The following KALRN variants were observed in gnomAD, a reference collection of about 807,000 sequenced individuals.
The protein encoded by KALRN is kalirin RhoGEF kinase, also known as kalirin.
Under a neutral mutation model 353.7 loss-of-function variants are expected in KALRN, and 70 were observed. That is an observed-to-expected ratio of 0.20 (90% CI 0.16 to 0.24). The LOEUF (loss-of-function observed/expected upper bound fraction) is 0.24. Among genes scored for constraint, KALRN ranks in the 10% least tolerant of loss-of-function variants. The probability of loss-of-function intolerance (pLI) is 1.00; values close to 1 mark genes in which losing one functional copy is unlikely to be tolerated. For synonymous variants in KALRN, 1,391 were observed against 1,434.8 expected (o/e 0.97, Z 0.69); for missense variants, 2,791 against 3,756.7 (o/e 0.74, Z 6.72).
At chr3:124,160,569 T>C (rs1031836638) in intron 1 of KALRN, among the ~76,000 whole-genome samples, 4 of 151,756 alleles carry the variant, frequency 2.6e-5, no homozygotes, top group Admixed American at 2.0e-4. Flanking sequence ...TGTAAGAAAA[T>C]GGTCTTTTTT....
chr3:124,634,497 C>T (rs540344069), intron 36 of KALRN, among the ~76,000 whole-genome samples: 1 of 152,262 alleles, frequency 6.6e-6, no homozygotes, highest in South Asian at 2.1e-4. Context: ...TGCAAGATTC[C>T]CCGGCCCGCT....
intron 53 of KALRN, among the ~76,000 whole-genome samples, chr3:124,695,440 G>T (rs763336575): frequency 5.3e-5 from 8 of 152,126 alleles, no homozygotes; most frequent in Non-Finnish European, 1.2e-4. Context: ...CCATAAAGAG[G>T]CCAGGTCATA....
At chr3:124,166,891 C>T (rs1466076842) in intron 1 of KALRN, among the ~76,000 whole-genome samples, 1 of 151,826 alleles carries the variant, frequency 6.6e-6, no homozygotes, top group African/African-American at 2.4e-5. Context: ...AGAAAAAATA[C>T]AAAATTAGCC....
In KALRN at chr3:124,282,171, A is replaced by G. The variant is rs137908166; in HGVS notation, c.969+12916A>G. Among the ~76,000 whole-genome samples, 360 of 152,298 alleles carry G rather than the reference A, an allele frequency of 2.4e-3. 1 individual carries two copies. The highest frequency in any genetic ancestry group is 8.3e-3 in the African/African-American group (347 of 41,562). On this transcript the variant is annotated intron_variant, in intron 5 of 59. Coordinates refer to ENST00000682506, the MANE Select transcript of KALRN (RefSeq NM_001388419.1). ...TGGCTGGATGTCAGGGGGCAAAGGC[A>G]GCACCAAGGCCTTCGTGTTAGGAGG...
chr3:124,350,651 C>A (rs2082741506), intron 10 of KALRN, among the ~76,000 whole-genome samples: 1 of 152,122 alleles, frequency 6.6e-6, no homozygotes. Flanking sequence ...ATGTTGCCAC[C>A]CTTATTGACA....
chr3:124,261,449 G>A (rs1452641034), intron 3 of KALRN, among the ~76,000 whole-genome samples: 5 of 152,122 alleles, frequency 3.3e-5, no homozygotes, highest in East Asian at 3.8e-4. Flanking sequence ...AACACACAAA[G>A]CACCTTGGAA....
At chr3:124,070,677 T>C (rs971985066) in intron 1 of KALRN, among the ~76,000 whole-genome samples, 11 of 152,228 alleles carry the variant, frequency 7.2e-5, no homozygotes, top group Non-Finnish European at 1.6e-4. Flanking sequence ...TTCCTAAGTC[T>C]CAGTGCCTAT....
intron 59 of KALRN, among the ~76,000 whole-genome samples, chr3:124,718,037 C>G (rs1281106120): frequency 6.6e-6 from 1 of 151,662 alleles, no homozygotes; most frequent in African/African-American, 2.4e-5. Flanking sequence ...GTCTTGAACT[C>G]CTGACCTCAA....
At chr3:124,535,087 C>A (rs1037469224) in intron 33 of KALRN, among the ~76,000 whole-genome samples, 1 of 151,828 alleles carries the variant, frequency 6.6e-6, no homozygotes, top group Admixed American at 6.6e-5. Context: ...GCCTATGAGA[C>A]CCTGTCTCAA....
chr3:124,581,227 G>T (rs529707244), intron 34 of KALRN, among the ~76,000 whole-genome samples: 1 of 152,026 alleles, frequency 6.6e-6, no homozygotes, highest in African/African-American at 2.4e-5. Flanking sequence ...GGTGGCTCAC[G>T]CCTGTAATCC....
intron 1 of KALRN, among the ~76,000 whole-genome samples, chr3:124,216,493 G>A (rs1490366822): frequency 1.3e-5 from 2 of 152,222 alleles, no homozygotes; most frequent in Non-Finnish European, 2.9e-5. Context: ...GCAATGGTTT[G>A]TGTACAGTTT....
intron 2 of KALRN, among the ~76,000 whole-genome samples, chr3:124,233,783 T>C (rs1412635934): frequency 6.6e-6 from 1 of 152,152 alleles, no homozygotes; most frequent in African/African-American, 2.4e-5. Context: ...TTTCATTAGA[T>C]CCCTTTGTGG....
intron 1 of KALRN, among the ~76,000 whole-genome samples, chr3:124,068,638 T>C (rs1343990948): frequency 2.0e-5 from 3 of 152,194 alleles, no homozygotes; most frequent in African/African-American, 7.2e-5. Context: ...TAGATGAACA[T>C]CAAGGCCTCT....
chr3:124,119,890 G>A (rs1204951135), intron 1 of KALRN, among the ~76,000 whole-genome samples: 2 of 152,108 alleles, frequency 1.3e-5, no homozygotes, highest in South Asian at 4.1e-4. Context: ...GGTGATACAC[G>A]GATGTCCTGA....
At chr3:124,335,040 C>T (rs917633859) in intron 9 of KALRN, among the ~76,000 whole-genome samples, 2 of 152,178 alleles carry the variant, frequency 1.3e-5, no homozygotes, top group African/African-American at 4.8e-5. Flanking sequence ...GGTGACCCGC[C>T]CGCCTCGGCC....
At chr3:124,666,780 C>T in intron 46 of KALRN, 146 bp downstream of exon 46, 1 of 744,286 alleles carries the variant, frequency 1.3e-6, no homozygotes, top group Non-Finnish European at 2.2e-6. Flanking sequence ...GGCTGCACGA[C>T]AGTGATTATC....
intron 1 of KALRN, among the ~76,000 whole-genome samples, chr3:124,211,700 CATG>C (rs1166519147): frequency 6.6e-6 from 1 of 152,126 alleles, no homozygotes; most frequent in Non-Finnish European, 1.5e-5. Context: ...TTCATCGCTG[CATG>C]ATGAGGACTC....
rs139506396 is a variant in KALRN, at chr3:124,526,444, G to A, written c.4935+30031G>A. 6.7e-3 allele frequency among the ~76,000 whole-genome samples: 1,012 copies of A among 151,924 alleles called. 10 individuals are homozygous for A. The highest frequency in any genetic ancestry group is 0.023 in the African/African-American group (941 of 41,438). On this transcript the variant is annotated intron_variant, in intron 33 of 59. Coordinates refer to ENST00000682506, the MANE Select transcript of KALRN (RefSeq NM_001388419.1). ...TACAAAAATTACCCAGCATGGTGGC[G>A]TGCACCTGTAGTCCTAGCTACTTGG... is the stretch of plus-strand genomic sequence containing the variant.
At chr3:124,619,288 A>T (rs1226935500) in intron 34 of KALRN, among the ~76,000 whole-genome samples, 1 of 152,138 alleles carries the variant, frequency 6.6e-6, no homozygotes, top group Admixed American at 6.6e-5. Flanking sequence ...GTATATAAAT[A>T]CATACATCAG....
Sources: allele counts gnomAD v4.1 joint callset (sites outside exome capture counted in the v4.1 genomes callset), GRCh38; gene constraint gnomAD v4.1.1; transcripts MANE v1.5; gene names NCBI Gene and HGNC (gene_info 2026-07-23, HGNC 2026-07-21).